The following MGAT5 variants were observed in gnomAD, a reference collection of about 807,000 sequenced individuals.
The protein encoded by MGAT5 is alpha-1,6-mannosylglycoprotein 6-beta-N-acetylglucosaminyltransferase A.
Under a neutral mutation model 94.3 loss-of-function variants are expected in MGAT5, and 30 were observed. That is an observed-to-expected ratio of 0.32 (90% CI 0.24 to 0.43). The LOEUF (loss-of-function observed/expected upper bound fraction) is 0.43, where lower values mean the gene tolerates loss of function less well. MGAT5 is among the 20% of genes least tolerant of loss of function. MGAT5 has a pLI of 1.00. For missense variants in MGAT5, 691 were observed against 905.5 expected (o/e 0.76, Z 3.04); for synonymous variants, 310 against 322.9 (o/e 0.96, Z 0.43).
chr2:134,191,436 G>A (rs552712568), intron 1 of MGAT5, among the ~76,000 whole-genome samples: 2 of 152,344 alleles, frequency 1.3e-5, no homozygotes, highest in South Asian at 4.1e-4. Context: ...CTGATGAAAG[G>A]GTGGGTTCGC....
chr2:134,299,061 C>G (rs1685864244), intron 2 of MGAT5, among the ~76,000 whole-genome samples: 1 of 152,088 alleles, frequency 6.6e-6, no homozygotes, highest in South Asian at 2.1e-4. Flanking sequence ...AAACACTTGC[C>G]CATCGTTTCT....
At chr2:134,286,015 C>T (rs1684979006) in intron 2 of MGAT5, among the ~76,000 whole-genome samples, 1 of 152,132 alleles carries the variant, frequency 6.6e-6, no homozygotes, top group Admixed American at 6.5e-5. Context: ...TAATAATTTA[C>T]TTCTTATGTT....
intron 1 of MGAT5, among the ~76,000 whole-genome samples, chr2:134,264,505 A>C (rs991400360): frequency 1.4e-4 from 21 of 152,156 alleles, no homozygotes; most frequent in Admixed American, 6.5e-4. Flanking sequence ...TGGCTGACAT[A>C]ATGTAATTTA....
chr2:134,392,561 A>AG (rs1236119938), intron 10 of MGAT5, among the ~76,000 whole-genome samples: 2 of 152,186 alleles, frequency 1.3e-5, no homozygotes, highest in African/African-American at 4.8e-5. Context: ...AGGGGAAGGA[A>AG]GGAGCCCAAG....
intron 10 of MGAT5, among the ~76,000 whole-genome samples, chr2:134,400,811 A>G (rs2165064): frequency 0.28 from 41,829 of 152,066 alleles, 5,924 homozygotes; most frequent in Middle Eastern, 0.48. Flanking sequence ...TGCACCGCCC[A>G]TCTCCTGCTT....
At chr2:134,412,179 T>C (rs1305492905) in intron 11 of MGAT5, among the ~76,000 whole-genome samples, 1 of 152,130 alleles carries the variant, frequency 6.6e-6, no homozygotes, top group East Asian at 1.9e-4. Context: ...AAGTTGTTGC[T>C]GCCATCTATG....
intron 9 of MGAT5, among the ~76,000 whole-genome samples, chr2:134,359,424 T>C (rs10928491): frequency 0.97 from 147,669 of 152,326 alleles, 71,654 homozygotes; most frequent in East Asian, 1. Flanking sequence ...TCTGTTTTCT[T>C]ATCTGTACAA....
At chr2:134,379,624 C>T (rs1259028376) in intron 10 of MGAT5, among the ~76,000 whole-genome samples, 3 of 152,148 alleles carry the variant, frequency 2.0e-5, no homozygotes, top group Non-Finnish European at 4.4e-5. Context: ...TACCAGCGAG[C>T]GATCATGGCT....
At chr2:134,134,445 G>A (rs1030064450) in intron 1 of MGAT5, among the ~76,000 whole-genome samples, 2 of 152,198 alleles carry the variant, frequency 1.3e-5, no homozygotes, top group African/African-American at 4.8e-5. Context: ...CTGCTTCCAT[G>A]TGTCTGGCTG....
At chr2:134,184,381 A>T (rs1026839973) in intron 1 of MGAT5, among the ~76,000 whole-genome samples, 1 of 152,042 alleles carries the variant, frequency 6.6e-6, no homozygotes, top group African/African-American at 2.4e-5. Context: ...GCCTGCAGGG[A>T]AGGGTACCCT....
intron 10 of MGAT5, among the ~76,000 whole-genome samples, chr2:134,363,401 A>T (rs908607817): frequency 6.6e-6 from 1 of 152,232 alleles, no homozygotes; most frequent in Admixed American, 6.5e-5. Context: ...CACCAAAGGG[A>T]TGATGAGATC....
At chr2:134,158,520 C>T (rs927774979) in intron 1 of MGAT5, among the ~76,000 whole-genome samples, 2 of 152,196 alleles carry the variant, frequency 1.3e-5, no homozygotes, top group African/African-American at 2.4e-5. Flanking sequence ...GTCTAGGCAG[C>T]GAGAGCAGGC....
At chr2:134,206,431 C>T (rs1680025225) in intron 1 of MGAT5, among the ~76,000 whole-genome samples, 1 of 152,206 alleles carries the variant, frequency 6.6e-6, no homozygotes, top group African/African-American at 2.4e-5. Context: ...ATTTGAGAGA[C>T]AGGAGCTGTA....
intron 2 of MGAT5, among the ~76,000 whole-genome samples, chr2:134,298,524 A>G (rs6430504): frequency 0.16 from 23,650 of 152,198 alleles, 2,383 homozygotes; most frequent in African/African-American, 0.28. Flanking sequence ...AATGATCAGC[A>G]AATCAGAGGA....
intron 1 of MGAT5, among the ~76,000 whole-genome samples, chr2:134,187,023 C>T (rs1364261254): frequency 6.6e-6 from 1 of 152,014 alleles, no homozygotes; most frequent in African/African-American, 2.4e-5. Context: ...AAGAAAGTTC[C>T]GTGAGGAAGA....
rs138034448 is a variant in MGAT5, at chr2:134,415,157, G to A, written c.1677+2142G>A. 6.3e-3 allele frequency among the ~76,000 whole-genome samples: 965 copies of A among 152,196 alleles called. 5 individuals are homozygous for A. The highest frequency in any genetic ancestry group is 9.1e-3 in the Non-Finnish European group (621 of 67,990). On this transcript the variant is annotated intron_variant, in intron 12 of 15. Coordinates refer to ENST00000281923, the MANE Select transcript of MGAT5 (RefSeq NM_002410.5). ...CAGCAGTGGGATTGCTGGATTATGT[G>A]GAGTTCTATTTCTTATTTTTTGAGA...
intron 1 of MGAT5, among the ~76,000 whole-genome samples, chr2:134,267,104 T>G (rs1683766019): frequency 6.6e-6 from 1 of 152,214 alleles, no homozygotes; most frequent in Admixed American, 6.5e-5. Context: ...TATATGTTGT[T>G]ACACAAACAC....
chr2:134,184,664 C>T (rs1688913001), intron 1 of MGAT5, among the ~76,000 whole-genome samples: 4 of 152,078 alleles, frequency 2.6e-5, no homozygotes, highest in African/African-American at 9.7e-5. Flanking sequence ...AGAGCCTCAA[C>T]AGATACTTGT....
intron 1 of MGAT5, among the ~76,000 whole-genome samples, chr2:134,186,978 T>C (rs374731170): frequency 6.6e-6 from 1 of 152,056 alleles, no homozygotes; most frequent in Non-Finnish European, 1.5e-5. Flanking sequence ...GAAGGAGTGA[T>C]GTTTGAGCAG....
Sources: allele counts gnomAD v4.1 joint callset (sites outside exome capture counted in the v4.1 genomes callset), GRCh38; gene constraint gnomAD v4.1.1; transcripts MANE v1.5; gene names NCBI Gene and HGNC (gene_info 2026-07-23, HGNC 2026-07-21).